The following HDAC11 variants were observed in gnomAD, a reference collection of about 807,000 sequenced individuals.
HDAC11 encodes histone deacetylase 11.
HDAC11 carries 23 observed loss-of-function variants against 41.1 expected under a neutral mutation model. The ratio of observed to expected loss-of-function variants is 0.56; its 90% confidence interval spans 0.40 to 0.79. The LOEUF (loss-of-function observed/expected upper bound fraction) is 0.79, where lower values mean the gene tolerates loss of function less well. HDAC11 is among the 30% of genes least tolerant of loss of function. The pLI, the probability that HDAC11 is intolerant of heterozygous loss-of-function variation, is 0.00. For synonymous variants in HDAC11, 187 were observed against 186.6 expected (o/e 1.00, Z -0.02); for missense variants, 402 against 477.3 (o/e 0.84, Z 1.47).
At chr3:13,496,227 G>A (rs1702088149) in intron 3 of HDAC11, among the ~76,000 whole-genome samples, 1 of 152,308 alleles carries the variant, frequency 6.6e-6, no homozygotes, top group South Asian at 2.1e-4. Flanking sequence ...TGCCAGGAAG[G>A]TCCGATTCCC....
chr3:13,504,566 C>G lies in HDAC11; in HGVS notation c.927C>G (p.Ala309=), dbSNP rs1370209068. Residue 309 remains alanine (A), a synonymous_variant, in exon 10 of 10, where the codon GCC becomes GCG. Transcript: ENST00000295757. ...VTSGGYQKRT[A]RIIADSILNL... Reference sequence around the variant, plus strand: ...CAGGCGGGTACCAGAAGCGCACAGCCCGCATCATTGCTGACTCCATACTTA... The same window carrying G: ...CAGGCGGGTACCAGAAGCGCACAGCGCGCATCATTGCTGACTCCATACTTA... 3 of 1,613,702 alleles carry G rather than the reference C, an allele frequency of 1.9e-6. No homozygotes were observed. The highest frequency in any genetic ancestry group is 2.5e-6 in the Non-Finnish European group (3 of 1,180,038).
chr3:13,498,611 G>C, intron 5 of HDAC11, 56 bp downstream of exon 5: 4 of 1,062,246 alleles, frequency 3.8e-6, no homozygotes, highest in African/African-American at 1.6e-5. Context: ...GAACTGGCCT[G>C]AAAGGGGGCT....
At chr3:13,488,826 C>G (rs1412184956) in intron 3 of HDAC11, among the ~76,000 whole-genome samples, 1 of 152,112 alleles carries the variant, frequency 6.6e-6, no homozygotes, top group African/African-American at 2.4e-5. Context: ...GAAGAACCAT[C>G]AAGGTGATCT....
At chr3:13,489,609 C>T (rs1321189433) in intron 3 of HDAC11, among the ~76,000 whole-genome samples, 2 of 152,192 alleles carry the variant, frequency 1.3e-5, no homozygotes, top group East Asian at 1.9e-4. Context: ...TTCGACAGCC[C>T]AGGCTGGAGT....
At chr3:13,483,241 T>C (rs2630455) in intron 2 of HDAC11, among the ~76,000 whole-genome samples, 100,962 of 151,948 alleles carry the variant, frequency 0.66, 35,219 homozygotes, top group African/African-American at 0.88. Flanking sequence ...ACATGGGGAT[T>C]GCTGTGTGTA....
At chr3:13,503,189 A>C in intron 8 of HDAC11, 5 of 375,124 alleles carry the variant, frequency 1.3e-5, no homozygotes, top group African/African-American at 2.1e-5. Flanking sequence ...TACAATAAAC[A>C]TGCATTTGTC....
intron 3 of HDAC11, among the ~76,000 whole-genome samples, chr3:13,486,798 C>T (rs2597514): frequency 0.5 from 75,757 of 151,662 alleles, 20,350 homozygotes; most frequent in East Asian, 0.77. Flanking sequence ...AGGCTGGTCT[C>T]GAACTCCTGA....
intron 3 of HDAC11, among the ~76,000 whole-genome samples, chr3:13,492,363 G>C (rs2125005264): frequency 6.6e-6 from 1 of 152,346 alleles, no homozygotes; most frequent in South Asian, 2.1e-4. Context: ...CACCTACTGT[G>C]TGCCAGGCAT....
chr3:13,504,014 C>A lies in HDAC11; in HGVS notation c.650-80C>A. On this transcript the variant is annotated intron_variant, in intron 8 of 9. Transcript: ENST00000295757. ...TGAATCTGACAGACCAGTTTCCAGT[C>A]TTGCCTGGTGTCCACAGTCTTGTCC... 5 of 1,343,416 alleles carry A rather than the reference C, an allele frequency of 3.7e-6. No individual in the cohort carries two copies. The South Asian group carries it at 6.6e-5, about 18-fold the overall frequency. 83.2% of individuals were successfully genotyped at this position (1,343,416 alleles called of 1,614,324 possible). A position where few individuals can be genotyped will look rare whatever the true frequency, so the allele number is the denominator to read the frequency against.
intron 8 of HDAC11, 31 bp downstream of exon 8, chr3:13,503,011 T>C: frequency 2.0e-6 from 3 of 1,538,358 alleles, no homozygotes; most frequent in Non-Finnish European, 2.7e-6. Context: ...TCATCTTGGG[T>C]GTGTCCTTGT....
chr3:13,493,068 G>A (rs545108295), intron 3 of HDAC11, among the ~76,000 whole-genome samples: 1 of 152,306 alleles, frequency 6.6e-6, no homozygotes, highest in South Asian at 2.1e-4. Context: ...TGCCCAGGGC[G>A]AGACTATCAG....
At chr3:13,500,017 T>C (rs1702277910) in intron 5 of HDAC11, among the ~76,000 whole-genome samples, 1 of 152,038 alleles carries the variant, frequency 6.6e-6, no homozygotes, top group Non-Finnish European at 1.5e-5. Flanking sequence ...TTCAGCAAGC[T>C]CAGTTGCTCA....
Position 13,481,833 on chromosome 3 carries a change from G to C in HDAC11, c.151+439G>C, listed in dbSNP as rs531990253. ...CAATTCCAGTCCAGTCCTCACAGCAGCCCTCGGGGTAGGCACCACAATCGC... is the reference window on the plus strand; with the variant it reads ...CAATTCCAGTCCAGTCCTCACAGCACCCCTCGGGGTAGGCACCACAATCGC... On this transcript the variant is annotated intron_variant, in intron 2 of 9. Transcript: ENST00000295757. Among the ~76,000 whole-genome samples, 4 of 152,288 alleles carry C rather than the reference G, an allele frequency of 2.6e-5. No homozygotes were observed. The East Asian group carries it at 7.7e-4, about 29-fold the overall frequency.
chr3:13,502,959 C>A lies in HDAC11; in HGVS notation c.628C>A (p.Pro210Thr). ...GGATGTCTACAACCGCCACATCTACCCAGGGGACCGCTTTGCCAAGCGTAA... is the reference window on the plus strand; with the variant it reads ...GGATGTCTACAACCGCCACATCTACACAGGGGACCGCTTTGCCAAGCGTAA... ...IMDVYNRHIY[P>T]GDRFAKQAIR... is the part of the protein sequence containing the mutation. The change falls in exon 8 of 10, where the codon CCA (proline) becomes ACA (threonine). Residue 210 changes from proline (P) to threonine (T), a missense_variant. By Grantham distance (38) the Pro-to-Thr change is conservative (BLOSUM62 -1). Transcript: ENST00000295757. The surrounding 1 kb of genome is among the most constrained non-coding windows in gnomAD (Gnocchi z 4.1). 1 of 1,613,632 alleles carries A rather than the reference C, an allele frequency of 6.2e-7. No homozygotes were observed. The highest frequency in any genetic ancestry group is 8.5e-7 in the Non-Finnish European group (1 of 1,179,748).
intron 4 of HDAC11, among the ~76,000 whole-genome samples, chr3:13,497,853 G>GTTTTTTTTTTTTTTTTTTTTT (rs370288358): frequency 1.3e-5 from 1 of 76,568 alleles, no homozygotes. Context: ...TTCTTTTTTT[G>GTTTTTTTTTTTTTTTTTTTTT]CTTTTTTTTT....
Position 13,480,857 on chromosome 3 carries a change from T to G in HDAC11, c.3-389T>G. On this transcript the variant is annotated intron_variant, in intron 1 of 9. Coordinates refer to ENST00000295757, the MANE Select transcript of HDAC11 (RefSeq NM_024827.4). This position sits in a 1 kb window ranked among gnomAD's most constrained non-coding sequence, Gnocchi z 4.6. ...TCTGAGTCCTCACAACAGCCACACA[T>G]TTTGCAGCCGAAGCCTTGTGCCACA... 2.6e-6 allele frequency: 1 copy of G among 386,630 alleles called. No homozygotes were observed. The allele number at this position is 386,630 out of a possible 1,614,324, so 23.9% of individuals were successfully genotyped here.
At chr3:13,495,140 C>T (rs1357403727) in intron 3 of HDAC11, among the ~76,000 whole-genome samples, 3 of 152,158 alleles carry the variant, frequency 2.0e-5, no homozygotes, top group Non-Finnish European at 4.4e-5. Flanking sequence ...CTTCCAGCCA[C>T]CCTCTCTCCA....
chr3:13,491,373 G>C (rs975632553), intron 3 of HDAC11, among the ~76,000 whole-genome samples: 2 of 151,908 alleles, frequency 1.3e-5, no homozygotes, highest in African/African-American at 4.8e-5. Flanking sequence ...TGTTGAGGGA[G>C]TTCCCTTCTG....
rs780959933 is a variant in HDAC11, at chr3:13,504,627, C to T, written c.988C>T (p.Pro330Ser). 4 of 1,613,850 alleles carry T rather than the reference C, an allele frequency of 2.5e-6. No individual in the cohort carries two copies. The highest frequency in any genetic ancestry group is 2.5e-6 in the Non-Finnish European group (3 of 1,180,022). The part of the protein sequence containing the change: ...FGLGLIGPES[P>S]SVSAQNSDTP... ...CCTGGGGCTCATTGGGCCTGAGTCA[C>T]CCAGCGTCTCCGCACAGAACTCAGA... is the stretch of plus-strand genomic sequence containing the variant. The change falls in exon 10 of 10, where the codon CCC (proline) becomes TCC (serine). Residue 330 changes from proline to serine, a missense_variant. Physicochemically the swap from Pro to Ser is moderately conservative, Grantham distance 74 (BLOSUM62 -1). Coordinates refer to ENST00000295757, the MANE Select transcript of HDAC11 (RefSeq NM_024827.4).
Sources: gnomAD v4.1 joint callset for allele counts (sites outside exome capture counted in the v4.1 genomes callset) on GRCh38, gnomAD v4.1.1 for gene constraint, Gnocchi (gnomAD v3.1) non-coding constraint, MANE v1.5 for transcripts, NCBI Gene and HGNC (gene_info 2026-07-23, HGNC 2026-07-21) for gene names.